SLC47A1: variants seen among roughly 807,000 people sequenced by gnomAD.
SLC47A1 encodes solute carrier family 47 member 1, also known as multidrug and toxin extrusion protein 1.
In SLC47A1, 58 loss-of-function variants were observed where a neutral mutation model predicts 65.8. That is an observed-to-expected ratio of 0.88 (90% CI 0.71 to 1.10). The LOEUF is 1.10. Among genes scored for constraint, SLC47A1 ranks in the 50% least tolerant of loss-of-function variants. The pLI, the probability that SLC47A1 is intolerant of heterozygous loss-of-function variation, is 0.00. For synonymous variants in SLC47A1, 285 were observed against 295.0 expected, an observed-to-expected ratio of 0.97 and a Z score of 0.35; for missense variants, 706 against 719.2, an observed-to-expected ratio of 0.98 and a Z score of 0.21.
intron 3 of SLC47A1, among the ~76,000 whole-genome samples, 190 bp downstream of exon 3, chr17:19,546,693 T>C (rs1021089013): frequency 2.0e-5 from 3 of 152,220 alleles, no homozygotes; most frequent in African/African-American, 7.2e-5. Flanking sequence ...CAACTAGTTT[T>C]TGTCTGCACA....
chr17:19,544,654 T>C (rs1481425185), intron 2 of SLC47A1, among the ~76,000 whole-genome samples: 1 of 152,226 alleles, frequency 6.6e-6, no homozygotes, highest in Non-Finnish European at 1.5e-5. Flanking sequence ...AGACCGCCTC[T>C]GCACTCCCAG....
intron 10 of SLC47A1, 74 bp from the exon 11 acceptor site, chr17:19,560,114 T>A: frequency 9.3e-7 from 1 of 1,080,548 alleles, no homozygotes. Flanking sequence ...GTGTGAGGCA[T>A]GAGGCTGCTT....
Position 19,577,531 on chromosome 17 carries a change from G to GA in SLC47A1, c.1692dup (p.Phe565IlefsTer10), listed in dbSNP as rs2084450778. ...ATCTTGCTGGTGGGGATTTTAGTGA[G>GA]ATTCTATGTCAGAATTCAGTGACGT... On this transcript the variant is annotated frameshift_variant, in exon 17 of 17. Transcript: ENST00000270570. LOFTEE classifies it high-confidence loss of function. 6.2e-7 allele frequency: 1 copy of GA among 1,614,132 alleles called. No individual in the cohort carries two copies. The highest frequency in any genetic ancestry group is 8.5e-7 in the Non-Finnish European group (1 of 1,179,996).
chr17:19,564,897 T>G (rs1332325784), intron 12 of SLC47A1, among the ~76,000 whole-genome samples: 1 of 152,182 alleles, frequency 6.6e-6, no homozygotes, highest in African/African-American at 2.4e-5. Context: ...TTTTGTATTT[T>G]TAGAAGAGAT....
chr17:19,543,202 T>C (rs950611127), intron 2 of SLC47A1, among the ~76,000 whole-genome samples: 2 of 151,030 alleles, frequency 1.3e-5, no homozygotes, highest in Admixed American at 1.3e-4. Context: ...CTCCGATTCC[T>C]GGGTTCAAGC....
chr17:19,542,557 T>C (rs1033415889), intron 2 of SLC47A1, 63 bp downstream of exon 2: 4 of 1,298,618 alleles, frequency 3.1e-6, no homozygotes, highest in African/African-American at 3.0e-5. Flanking sequence ...GCTGCTACTA[T>C]AACAAATCAT....
chr17:19,577,038 C>T (rs556435868), intron 16 of SLC47A1, among the ~76,000 whole-genome samples: 4 of 152,292 alleles, frequency 2.6e-5, no homozygotes, highest in South Asian at 2.1e-4. Flanking sequence ...TGAGCCACCG[C>T]GCCCGGCTTC....
intron 5 of SLC47A1, among the ~76,000 whole-genome samples, 157 bp from the exon 6 acceptor site, chr17:19,551,267 G>C (rs1166698656): frequency 6.6e-6 from 1 of 152,180 alleles, no homozygotes; most frequent in Non-Finnish European, 1.5e-5. Context: ...ATAACACCCT[G>C]GCCCCAGCCC....
At chr17:19,575,600 T>C (rs547511618) in intron 16 of SLC47A1, among the ~76,000 whole-genome samples, 1 of 152,212 alleles carries the variant, frequency 6.6e-6, no homozygotes, top group Non-Finnish European at 1.5e-5. Context: ...AGGTCTTGCT[T>C]TGCAGCCCAG....
intron 2 of SLC47A1, 143 bp downstream of exon 2, chr17:19,542,637 G>T (rs1278892684): frequency 3.3e-6 from 2 of 601,166 alleles, no homozygotes; most frequent in Non-Finnish European, 2.7e-6. Flanking sequence ...GTCTGAAGTG[G>T]GTTTCATGGC....
chr17:19,566,678 G>A, intron 12 of SLC47A1, 112 bp from the exon 13 acceptor site: 5 of 936,976 alleles, frequency 5.3e-6, no homozygotes, highest in Non-Finnish European at 8.4e-6. Flanking sequence ...TCCCGCCTCA[G>A]CCTCCCAAAG....
In SLC47A1 at chr17:19,574,761, G is replaced by C. The variant is rs112774369; in HGVS notation, c.1486+1900G>C. 6.1e-3 allele frequency among the ~76,000 whole-genome samples: 923 copies of C among 152,186 alleles called. 16 individuals carry two copies. Among genetic ancestry groups the C allele is most frequent in the African/African-American group, 0.022 (894 of 41,526 alleles). On this transcript the variant is annotated intron_variant, in intron 16 of 16. Transcript: ENST00000270570. The stretch of plus-strand genomic sequence containing the variant: ...CTGCCTCAGCCTCCTGAGTAGCTGG[G>C]ATTACAGGTGTGTGCGGTGGTGTAC...
At position 19,542,423 on chromosome 17, in the gene SLC47A1, A is replaced by G. The variant is rs1433011631; in HGVS notation, c.166A>G (p.Ser56Gly). 5.0e-6 allele frequency: 8 copies of G among 1,610,366 alleles called. No individual in the cohort carries two copies. The highest frequency in any genetic ancestry group is 6.8e-6 in the Non-Finnish European group (8 of 1,178,548). Reference protein sequence around the residue: ...FLVQLMVFLISFISSVFCGHL... With the variant: ...FLVQLMVFLIGFISSVFCGHL... The stretch of plus-strand genomic sequence containing the variant: ...GGTTCAGCTGATGGTGTTCCTGATC[A>G]GCTTCATAAGCTCCGTGTTCTGTGG... The change falls in exon 2 of 17, where the codon AGC becomes GGC. Residue 56 changes from serine (S) to glycine (G), a missense_variant. Physicochemically the swap from Ser to Gly is moderately conservative, Grantham distance 56. Transcript: ENST00000270570.
At chr17:19,568,246 A>T (rs965392511) in intron 14 of SLC47A1, among the ~76,000 whole-genome samples, 5 of 152,340 alleles carry the variant, frequency 3.3e-5, no homozygotes, top group Non-Finnish European at 7.3e-5. Flanking sequence ...CTCAAGTTCA[A>T]TAATATTTTA....
intron 6 of SLC47A1, 72 bp from the exon 7 acceptor site, chr17:19,555,140 G>A: frequency 7.9e-6 from 11 of 1,391,154 alleles, no homozygotes; most frequent in Non-Finnish European, 1.0e-5. Context: ...TGGAGCCTGT[G>A]TGTGCTTGGG....
chr17:19,561,054 C>T (rs918722387), intron 12 of SLC47A1, among the ~76,000 whole-genome samples: 4 of 151,678 alleles, frequency 2.6e-5, no homozygotes, highest in East Asian at 2.0e-4. Context: ...GTCAGGAGTT[C>T]GAGACCAGCC....
At chr17:19,563,335 T>C (rs2084329670) in intron 12 of SLC47A1, among the ~76,000 whole-genome samples, 1 of 151,768 alleles carries the variant, frequency 6.6e-6, no homozygotes, top group African/African-American at 2.4e-5. Context: ...GGTTTCACCG[T>C]GTTAGCCAGG....
In SLC47A1 at chr17:19,572,776, C is replaced by T; in HGVS notation, c.1405-4C>T. Reference sequence around the variant, plus strand: ...AGCCTGATGGACTGAGTTTCATTTTCCAGGCTCAGGTACACGCCAATTTGA... The same window carrying T: ...AGCCTGATGGACTGAGTTTCATTTTTCAGGCTCAGGTACACGCCAATTTGA... On this transcript the variant is annotated splice_polypyrimidine_tract_variant and splice_region_variant and intron_variant, in intron 15 of 16. Transcript: ENST00000270570. 1 of 1,613,908 alleles carries T rather than the reference C, an allele frequency of 6.2e-7. No homozygotes were observed. The highest frequency in any genetic ancestry group is 8.5e-7 in the Non-Finnish European group (1 of 1,179,842).
intron 2 of SLC47A1, among the ~76,000 whole-genome samples, chr17:19,545,137 T>A (rs1355194292): frequency 6.6e-6 from 1 of 152,154 alleles, no homozygotes; most frequent in African/African-American, 2.4e-5. Flanking sequence ...TTCCTCCTTG[T>A]GGGTCTGCAA....
Sources: allele counts gnomAD v4.1 joint callset (sites outside exome capture counted in the v4.1 genomes callset), GRCh38; gene constraint gnomAD v4.1.1; transcripts MANE v1.5; gene names NCBI Gene and HGNC (gene_info 2026-07-23, HGNC 2026-07-21).